Variants in SPTBN5 observed in about 807,000 individuals in gnomAD.
SPTBN5 encodes spectrin beta chain, non-erythrocytic 5.
A neutral mutation model predicts 477.6 loss-of-function variants in SPTBN5; 513 were observed. That is an observed-to-expected ratio of 1.07 (90% CI 1.00 to 1.16). The LOEUF (loss-of-function observed/expected upper bound fraction) is 1.16. SPTBN5 is among the 50% of genes most tolerant of loss of function. The pLI is 0.00. For missense variants in SPTBN5, 5,062 were observed against 4,731.8 expected, an observed-to-expected ratio of 1.07 and a Z score of -2.05; for synonymous variants, 2,169 against 2,011.7, an observed-to-expected ratio of 1.08 and a Z score of -2.09.
chr15:41,863,402 G>A (rs562280343), intron 41 of SPTBN5, among the ~76,000 whole-genome samples: 1 of 152,152 alleles, frequency 6.6e-6, no homozygotes, highest in Admixed American at 6.5e-5. Context: ...GGGATGGGAG[G>A]AAACAGAGAG....
At chr15:41,860,469 T>C (rs2066068161) in intron 47 of SPTBN5, 117 bp downstream of exon 47, 5 of 1,188,664 alleles carry the variant, frequency 4.2e-6, no homozygotes, top group African/African-American at 1.6e-5. Flanking sequence ...ACCTCAGTCC[T>C]TGGACAAGGC....
chr15:41,849,203 G>T (rs571015142), intron 67 of SPTBN5, among the ~76,000 whole-genome samples: 2 of 152,324 alleles, frequency 1.3e-5, no homozygotes, highest in African/African-American at 4.8e-5. Flanking sequence ...GAAGCCCTCT[G>T]GTTTGGAAGG....
At chr15:41,874,580 G>C in intron 23 of SPTBN5, 102 bp from the exon 24 acceptor site, 1 of 1,061,222 alleles carries the variant, frequency 9.4e-7, no homozygotes, top group Non-Finnish European at 1.3e-6. Context: ...AACAAGACCA[G>C]GGAATAGAGC....
Position 41,887,977 on chromosome 15 carries a change from G to A in SPTBN5, c.610C>T (p.Arg204Ter), listed in dbSNP as rs184966743. The A allele has an allele frequency of 9.3e-5, 150 of 1,607,406 alleles. No homozygotes were observed. Among genetic ancestry groups the A allele is most frequent in the Non-Finnish European group, 1.0e-4 (121 of 1,177,244 alleles). The change falls in exon 5 of 68, where the codon CGA (arginine) becomes TGA (stop). Residue 204 changes from arginine to a stop codon, truncating the protein, a stop_gained. Transcript: ENST00000320955. LOFTEE classifies it high-confidence loss of function. ...YTNVNITDFSRSWSDGLGFNA... is the reference protein window; with the variant it reads ...YTNVNITDFS ...AAGCCCAGCCCATCGCTCCAGCTTC[G>A]GGAGAAATCTGTAATGTTCACGTTG...
chr15:41,851,735 T>C, intron 63 of SPTBN5, 44 bp downstream of exon 63: 1 of 1,486,708 alleles, frequency 6.7e-7, no homozygotes, highest in South Asian at 1.1e-5. Context: ...CAAGTGCTGC[T>C]GCAAGTGGGG....
In SPTBN5 at chr15:41,849,851, C is replaced by G. The variant is rs1235667139; in HGVS notation, c.11012+18G>C. ...GCCCAGGGCTCCCCGCCCTGCTTCC[C>G]CCACCCAGGTGTCCCACCTGAGTAG... is the stretch of plus-strand genomic sequence containing the variant. On this transcript the variant is annotated intron_variant, in intron 67 of 67. Coordinates refer to ENST00000320955, the MANE Select transcript of SPTBN5 (RefSeq NM_016642.4). 3.2e-6 allele frequency: 5 copies of G among 1,555,242 alleles called. No homozygotes were observed. The highest frequency in any genetic ancestry group is 4.4e-6 in the Non-Finnish European group (5 of 1,148,220).
At chr15:41,854,229 T>G in intron 56 of SPTBN5, 24 bp from the exon 57 acceptor site, 1 of 1,578,452 alleles carries the variant, frequency 6.3e-7, no homozygotes, top group Non-Finnish European at 8.6e-7. Flanking sequence ...AAGGACCTGC[T>G]CAGGGCTGTT....
intron 47 of SPTBN5, among the ~76,000 whole-genome samples, chr15:41,859,487 C>T (rs920634144): frequency 1.3e-5 from 2 of 152,142 alleles, no homozygotes; most frequent in African/African-American, 4.8e-5. Flanking sequence ...TGTTGAAGGC[C>T]TAACTCCAGA....
At chr15:41,855,884 G>C (rs1242505188) in intron 53 of SPTBN5, 139 bp from the exon 54 acceptor site, 1 of 888,756 alleles carries the variant, frequency 1.1e-6, no homozygotes, top group Non-Finnish European at 1.7e-6. Context: ...CCACTCCTAA[G>C]CAGCCTCATC....
In SPTBN5 at chr15:41,878,355, G is replaced by C; in HGVS notation, c.3457C>G (p.Leu1153Val). The change falls in exon 17 of 68, where the codon CTG becomes GTG. Residue 1153 changes from leucine (L) to valine (V), a missense_variant. Transcript: ENST00000320955. ...EHQDLLEEIH[L>V]WQERLQQLDA... The stretch of plus-strand genomic sequence containing the variant: ...TCCTGTCCTGACCTCTCCTGCCACA[G>C]GTGGATCTCCTCCAGCAGGTCTTGG... 2 of 1,613,664 alleles carry C rather than the reference G, an allele frequency of 1.2e-6. No individual in the cohort carries two copies. Among genetic ancestry groups the C allele is most frequent in the Non-Finnish European group, 1.7e-6 (2 of 1,179,830 alleles).
At position 41,874,413 on chromosome 15, in the gene SPTBN5, T is replaced by G. The variant is rs754699516; in HGVS notation, c.4568A>C (p.His1523Pro). The change falls in exon 24 of 68, where the codon CAC becomes CCC. Residue 1523 changes from histidine to proline, a missense_variant. His to Pro is a moderately conservative substitution (Grantham distance 77). Transcript: ENST00000320955. ...CATGTTGCTCAGGTGGCAGAACTGGTGCAGCTCCACTGAGGCCTGCAGCTG... is the reference window on the plus strand; with the variant it reads ...CATGTTGCTCAGGTGGCAGAACTGGGGCAGCTCCACTGAGGCCTGCAGCTG... ...GLQLQASVEL[H>P]QFCHLSNMEL... 1.2e-6 allele frequency: 2 copies of G among 1,613,538 alleles called. No individual in the cohort carries two copies. Among genetic ancestry groups the G allele is most frequent in the South Asian group, 2.2e-5 (2 of 91,072 alleles).
intron 6 of SPTBN5, 106 bp from the exon 7 acceptor site, chr15:41,886,472 G>A: frequency 7.7e-7 from 1 of 1,295,622 alleles, no homozygotes; most frequent in Non-Finnish European, 1.0e-6. Context: ...CTACTTCTCT[G>A]AGCCAAAGAT....
At position 41,883,359 on chromosome 15, in the gene SPTBN5, C is replaced by T. The variant is rs759335550; in HGVS notation, c.1648G>A (p.Glu550Lys). ...QEVEAASHQL[E>K]ELQEPARSTA... ...GGTCCAGTGCCCACCTGCAGCTCCT[C>T]CAGCTGGTGGGAGGCAGCCTCCACC... Residue 550 changes from glutamate to lysine, a missense_variant, in exon 8 of 68, where the codon GAG (glutamate) becomes AAG (lysine). Transcript: ENST00000320955. 1 of 1,613,320 alleles carries T rather than the reference C, an allele frequency of 6.2e-7. No homozygotes were observed. Among genetic ancestry groups the T allele is most frequent in the Non-Finnish European group, 8.5e-7 (1 of 1,179,788 alleles).
intron 39 of SPTBN5, among the ~76,000 whole-genome samples, 168 bp from the exon 40 acceptor site, chr15:41,864,192 G>A (rs1410138966): frequency 6.6e-6 from 1 of 152,224 alleles, no homozygotes; most frequent in Admixed American, 6.5e-5. Context: ...GGTCCCTGAG[G>A]TCACCCCGTC....
chr15:41,880,053 C>T, intron 14 of SPTBN5, 107 bp downstream of exon 14: 1 of 1,444,274 alleles, frequency 6.9e-7, no homozygotes, highest in Non-Finnish European at 9.2e-7. Flanking sequence ...CTCTGCTCCC[C>T]TCCCCCAGGC....
intron 32 of SPTBN5, 39 bp from the exon 33 acceptor site, chr15:41,868,640 T>G: frequency 6.3e-7 from 1 of 1,580,692 alleles, no homozygotes. Context: ...GGGTGAGGGC[T>G]GGGCTGGGCA....
At position 41,851,125 on chromosome 15, in the gene SPTBN5, T is replaced by G. The variant is rs2140908612; in HGVS notation, c.10769A>C (p.Asp3590Ala). Reference protein sequence around the residue: ...AEKVASIALLDLTGARCERLR... With the variant: ...AEKVASIALLALTGARCERLR... ...CCTCTCACACCGGGCTCCCGTGAGG[T>G]CAAGGAGGGCTATGGAAGCTACTTT... The change falls in exon 65 of 68, where the codon GAC becomes GCC. Residue 3590 changes from aspartate (D) to alanine (A), a missense_variant. Coordinates refer to ENST00000320955, the MANE Select transcript of SPTBN5 (RefSeq NM_016642.4). 1.2e-6 allele frequency: 2 copies of G among 1,613,206 alleles called. No homozygotes were observed. Among genetic ancestry groups the G allele is most frequent in the East Asian group, 4.5e-5 (2 of 44,872 alleles).
At chr15:41,871,344 C>A in intron 29 of SPTBN5, 31 bp downstream of exon 29, 1 of 1,387,834 alleles carries the variant, frequency 7.2e-7, no homozygotes, top group Non-Finnish European at 9.4e-7. Flanking sequence ...TCCCCCAAAC[C>A]CCATGCTGGC....
At chr15:41,850,811 A>T in intron 66 of SPTBN5, 43 bp downstream of exon 66, 1 of 1,519,650 alleles carries the variant, frequency 6.6e-7, no homozygotes, top group Non-Finnish European at 8.9e-7. Context: ...CTTGGGGCCC[A>T]GGGAGTCGGC....
Sources: gnomAD v4.1 joint callset for allele counts (sites outside exome capture counted in the v4.1 genomes callset) on GRCh38, gnomAD v4.1.1 for gene constraint, MANE v1.5 for transcripts, NCBI Gene and HGNC (gene_info 2026-07-23, HGNC 2026-07-21) for gene names.